HMMR: variants seen among roughly 807,000 people sequenced by gnomAD.
The protein encoded by HMMR is hyaluronan mediated motility receptor.
A neutral mutation model predicts 101.0 loss-of-function variants in HMMR; 108 were observed. The ratio of observed to expected loss-of-function variants is 1.07; its 90% CI spans 0.92 to 1.25. The LOEUF (loss-of-function observed/expected upper bound fraction) is 1.25. HMMR is among the 50% of genes most tolerant of loss of function. HMMR has a pLI of 0.00. For missense variants in HMMR, 813 were observed against 788.7 expected (o/e 1.03, Z -0.37); for synonymous variants, 296 against 276.4 (o/e 1.07, Z -0.70).
At position 163,472,280 on chromosome 5, in the gene HMMR, A is replaced by G. The variant is rs539415785; in HGVS notation, c.650+817A>G. 2.0e-5 allele frequency among the ~76,000 whole-genome samples: 3 copies of G among 152,170 alleles called. No homozygotes were observed. In the East Asian group the frequency reaches 5.8e-4, roughly 29 times the overall value. ...TCAAGATTCATCCAAACCGTTCTGT[A>G]TACTGTAATTTTTCCTATTTTATTT... On this transcript the variant is annotated intron_variant, in intron 7 of 17. Transcript: ENST00000393915.
chr5:163,490,505 A>G lies in HMMR; in HGVS notation c.2078A>G (p.His693Arg). Reference protein sequence around the residue: ...IKHFDPSKAFHHESKENFALK... With the variant: ...IKHFDPSKAFRHESKENFALK... Reference sequence around the variant, plus strand: ...CACTTTGATCCTTCAAAGGCTTTTCATCATGAAAGTAAAGAAAATTTTGCC... The same window carrying G: ...CACTTTGATCCTTCAAAGGCTTTTCGTCATGAAAGTAAAGAAAATTTTGCC... The change falls in exon 17 of 18, where the codon CAT becomes CGT. Residue 693 changes from histidine (H) to arginine (R), a missense_variant. Coordinates refer to ENST00000393915, the MANE Select transcript of HMMR (RefSeq NM_001142556.2). 6.2e-7 allele frequency: 1 copy of G among 1,604,352 alleles called. No homozygotes were observed. The highest frequency in any genetic ancestry group is 8.5e-7 in the Non-Finnish European group (1 of 1,177,216).
chr5:163,483,271 A>T lies in HMMR; in HGVS notation c.1689A>T (p.Lys563Asn). ...TCAATTTAATTCTTCCATGCAGAAA[A>T]GCTGAAAAAGAAAATACAACAGCAG... ...RKQLEDEEGR[K>N]AEKENTTAEL... Residue 563 changes from lysine to asparagine, a missense_variant, in exon 15 of 18, where the codon AAA becomes AAT. By Grantham distance (94) the Lys-to-Asn change is moderately conservative. Coordinates refer to ENST00000393915, the MANE Select transcript of HMMR (RefSeq NM_001142556.2). The T allele has an allele frequency of 5.0e-6, 8 of 1,607,806 alleles. No individual in the cohort carries two copies. The highest frequency in any genetic ancestry group is 6.0e-6 in the Non-Finnish European group (7 of 1,175,476).
chr5:163,478,699 G>A lies in HMMR; in HGVS notation c.1284G>A (p.Leu428=), dbSNP rs1257607413. The A allele has an allele frequency of 1.2e-6, 2 of 1,608,484 alleles. No homozygotes were observed. Among genetic ancestry groups the A allele is most frequent in the East Asian group, 4.5e-5 (2 of 44,824 alleles). The change falls in exon 12 of 18, where the codon CTG becomes CTA. Residue 428 remains leucine (L), a synonymous_variant. Coordinates refer to ENST00000393915, the MANE Select transcript of HMMR (RefSeq NM_001142556.2). ...EEKLKGKEAE[L]EKSSAAHTQA... ...TTTTTCTTAGGAAGGAGGCTGAACT[G>A]GAGAAAAGTAGTGCTGCTCATACCC...
chr5:163,462,695 G>A (rs895177569), intron 1 of HMMR, among the ~76,000 whole-genome samples: 5 of 151,942 alleles, frequency 3.3e-5, no homozygotes, highest in African/African-American at 1.2e-4. Context: ...GGGCGTGGTG[G>A]TGGGAGCCTG....
At chr5:163,490,737 A>T (rs79634372) in intron 17 of HMMR, among the ~76,000 whole-genome samples, 185 bp downstream of exon 17, 1 of 152,120 alleles carries the variant, frequency 6.6e-6, no homozygotes, top group East Asian at 1.9e-4. Flanking sequence ...TTTTCTGTAT[A>T]CCTGGATTCT....
rs115941319 is a variant in HMMR at position 163,470,938 on chromosome 5, G to A, written c.463-247G>A. ...GAGCCCAGGAGTTTGAGATTATAGC[G>A]AGCTATGATCATGCCACTCCACTCT... On this transcript the variant is annotated intron_variant, in intron 5 of 17. Transcript: ENST00000393915. 2.2e-3 allele frequency among the ~76,000 whole-genome samples: 329 copies of A among 152,170 alleles called. 2 individuals are homozygous for A. The highest frequency in any genetic ancestry group is 7.4e-3 in the African/African-American group (308 of 41,526).
Position 163,490,396 on chromosome 5 carries a change from T to G in HMMR, c.1969T>G (p.Ser657Ala). Reference sequence around the variant, plus strand: ...ATTATTTCTTTTTACCTAGGAAGTATCAAAACTCCGCTGTCAGCTTGCTAA... The same window carrying G: ...ATTATTTCTTTTTACCTAGGAAGTAGCAAAACTCCGCTGTCAGCTTGCTAA... Reference protein sequence around the residue: ...DENSQLKSEVSKLRCQLAKKK... With the variant: ...DENSQLKSEVAKLRCQLAKKK... Residue 657 changes from serine (S) to alanine (A), a missense_variant, in exon 17 of 18, where the codon TCA (serine) becomes GCA (alanine). Ser to Ala is a moderately conservative substitution (Grantham distance 99). Transcript: ENST00000393915. 1 of 1,566,870 alleles carries G rather than the reference T, an allele frequency of 6.4e-7. No homozygotes were observed. The highest frequency in any genetic ancestry group is 8.7e-7 in the Non-Finnish European group (1 of 1,155,464).
intron 16 of HMMR, among the ~76,000 whole-genome samples, chr5:163,488,001 G>C (rs111388125): frequency 0.12 from 18,837 of 151,842 alleles, 1,198 homozygotes; most frequent in South Asian, 0.15. Context: ...GACTACAGGC[G>C]TGCGCCACCA....
At chr5:163,462,540 C>T (rs530858607) in intron 1 of HMMR, among the ~76,000 whole-genome samples, 2 of 152,126 alleles carry the variant, frequency 1.3e-5, no homozygotes, top group Admixed American at 1.3e-4. Context: ...AAGATCTACT[C>T]ATGGGGCTGG....
intron 10 of HMMR, 105 bp from the exon 11 acceptor site, chr5:163,475,353 T>C: frequency 3.4e-6 from 2 of 581,702 alleles, no homozygotes; most frequent in Non-Finnish European, 6.1e-6. Context: ...CTTGAATCTG[T>C]TGAATTTAGG....
In HMMR at chr5:163,490,610, A is replaced by G. The variant is rs934825105; in HGVS notation, c.2125+58A>G. 4 of 1,277,272 alleles carry G rather than the reference A, an allele frequency of 3.1e-6. No homozygotes were observed. In the African/African-American group the frequency reaches 4.5e-5, roughly 14 times the overall value. 79.1% of individuals were successfully genotyped at this position (1,277,272 alleles called of 1,614,324 possible). A position where few individuals can be genotyped will look rare whatever the true frequency, so the allele number is the denominator to read the frequency against. On this transcript the variant is annotated intron_variant, in intron 17 of 17. Coordinates refer to ENST00000393915, the MANE Select transcript of HMMR (RefSeq NM_001142556.2). ...CTTCCTTTGGATTTGCTTTTATAGC[A>G]TTTAGCAAGTCATCCATTTTATGAA...
intron 16 of HMMR, among the ~76,000 whole-genome samples, chr5:163,485,558 A>G (rs1189742678): frequency 6.6e-6 from 1 of 152,116 alleles, no homozygotes; most frequent in Non-Finnish European, 1.5e-5. Context: ...TTCTTCATCA[A>G]TTCTGGACAC....
intron 16 of HMMR, chr5:163,489,234 C>A: frequency 6.6e-6 from 1 of 152,552 alleles, no homozygotes; most frequent in Non-Finnish European, 1.5e-5. Flanking sequence ...GCTTATGCTT[C>A]CTGGCTCACC....
Position 163,464,663 on chromosome 5 carries a change from T to C in HMMR, c.146-60T>C. 2.6e-6 allele frequency: 3 copies of C among 1,146,580 alleles called. No homozygotes were observed. In the South Asian group the frequency reaches 3.9e-5, roughly 15 times the overall value. 71.0% of individuals were successfully genotyped at this position (1,146,580 alleles called of 1,614,324 possible). On this transcript the variant is annotated intron_variant, in intron 2 of 17. Coordinates refer to ENST00000393915, the MANE Select transcript of HMMR (RefSeq NM_001142556.2). ...GACAAAAAAATTTGGAAATTGTGTT[T>C]TGTGTGTAGTTAAAACACATTGACA... is the stretch of plus-strand genomic sequence containing the variant.
chr5:163,490,403 T>G lies in HMMR; in HGVS notation c.1976T>G (p.Leu659Arg). The change falls in exon 17 of 18, where the codon CTC becomes CGC. Residue 659 changes from leucine (L) to arginine (R), a missense_variant. Physicochemically the swap from Leu to Arg is moderately radical, Grantham distance 102. Transcript: ENST00000393915. ...CTTTTTACCTAGGAAGTATCAAAAC[T>G]CCGCTGTCAGCTTGCTAAAAAAAAA... ...NSQLKSEVSK[L>R]RCQLAKKKQS... 1 of 1,576,518 alleles carries G rather than the reference T, an allele frequency of 6.3e-7. No homozygotes were observed. Among genetic ancestry groups the G allele is most frequent in the Non-Finnish European group, 8.6e-7 (1 of 1,162,278 alleles).
chr5:163,469,335 G>A (rs1218636518), intron 4 of HMMR, among the ~76,000 whole-genome samples: 5 of 143,600 alleles, frequency 3.5e-5, no homozygotes, highest in Non-Finnish European at 7.5e-5. Context: ...CTGCACTCCA[G>A]CCTGGGCAAC....
chr5:163,464,904 T>C (rs1437882811), intron 3 of HMMR, 102 bp downstream of exon 3: 2 of 705,682 alleles, frequency 2.8e-6, no homozygotes, highest in South Asian at 1.7e-5. Flanking sequence ...GAATCAAGGT[T>C]ATAAGTAAAT....
In HMMR at chr5:163,471,438, A is replaced by C; in HGVS notation, c.625A>C (p.Lys209Gln). 2 of 1,612,524 alleles carry C rather than the reference A, an allele frequency of 1.2e-6. No individual in the cohort carries two copies. Among genetic ancestry groups the C allele is most frequent in the Non-Finnish European group, 1.7e-6 (2 of 1,178,682 alleles). ...AAGGAGTCTCGAAGAGTCTCAAGGGAAAATAGCCCAACTGGAGGGAAAACT... is the reference window on the plus strand; with the variant it reads ...AAGGAGTCTCGAAGAGTCTCAAGGGCAAATAGCCCAACTGGAGGGAAAACT... ...TQRSLEESQG[K>Q]IAQLEGKLVS... The change falls in exon 7 of 18, where the codon AAA becomes CAA. Residue 209 changes from lysine (K) to glutamine (Q), a missense_variant. Lys to Gln is a moderately conservative substitution (Grantham distance 53). Coordinates refer to ENST00000393915, the MANE Select transcript of HMMR (RefSeq NM_001142556.2).
intron 11 of HMMR, among the ~76,000 whole-genome samples, chr5:163,478,174 G>A (rs1360189475): frequency 2.0e-5 from 3 of 152,114 alleles, no homozygotes; most frequent in African/African-American, 7.2e-5. Flanking sequence ...TTCTGTCTAT[G>A]CAAAATAATC....
Sources: gnomAD v4.1 joint callset for allele counts (sites outside exome capture counted in the v4.1 genomes callset) on GRCh38, gnomAD v4.1.1 for gene constraint, MANE v1.5 for transcripts, NCBI Gene and HGNC (gene_info 2026-07-23, HGNC 2026-07-21) for gene names.